Variants in FBXO11 observed in about 807,000 individuals in gnomAD.
The protein encoded by FBXO11 is F-box only protein 11.
FBXO11 carries 13 observed loss-of-function variants against 117.0 expected under a neutral mutation model. The ratio of observed to expected loss-of-function variants is 0.11; its 90% CI spans 0.07 to 0.18. The LOEUF (loss-of-function observed/expected upper bound fraction) is 0.18. Ranked by LOEUF, FBXO11 falls within the 10% of genes least tolerant of loss-of-function variation. The pLI is 1.00. For missense variants in FBXO11, 767 were observed against 1,164.4 expected (o/e 0.66, Z 4.97); for synonymous variants, 490 against 380.5 (o/e 1.29, Z -3.35).
Position 47,809,767 on chromosome 2 carries a change from A to G in FBXO11, c.2339-60T>C, listed in dbSNP as rs1298042802. 52 of 1,096,126 alleles carry G rather than the reference A, an allele frequency of 4.7e-5. 1 individual carries two copies. The Admixed American group carries it at 9.4e-4, about 20-fold the overall frequency. 67.9% of individuals were successfully genotyped at this position (1,096,126 alleles called of 1,614,324 possible). On this transcript the variant is annotated intron_variant, in intron 19 of 22. Transcript: ENST00000403359. The stretch of plus-strand genomic sequence containing the variant: ...CTTTATACTGCTTCTTAAAAACCTG[A>G]AATTAGCAAGCAAATGTAAACTGCT...
intron 1 of FBXO11, among the ~76,000 whole-genome samples, chr2:47,846,105 C>T (rs1411626288): frequency 6.6e-6 from 1 of 152,178 alleles, no homozygotes; most frequent in Admixed American, 6.5e-5. Flanking sequence ...CAAACTGGCT[C>T]CAACCCAAGA....
At position 47,891,775 on chromosome 2, in the gene FBXO11, A is replaced by T. The variant is rs1189274115; in HGVS notation, c.232+13714T>A. The stretch of plus-strand genomic sequence containing the variant: ...GGTTCAATTTCTACGTATCTTCACC[A>T]ACACTTGTCTTCTATGTTTTTTTTA... On this transcript the variant is annotated intron_variant, in intron 1 of 22. Transcript: ENST00000403359. 3.9e-5 allele frequency among the ~76,000 whole-genome samples: 6 copies of T among 152,288 alleles called. No homozygotes were observed. In the South Asian group the frequency reaches 1.2e-3, roughly 32 times the overall value.
chr2:47,841,698 T>C (rs989831238), intron 1 of FBXO11, among the ~76,000 whole-genome samples: 9 of 152,290 alleles, frequency 5.9e-5, no homozygotes, highest in African/African-American at 2.2e-4. Context: ...TGGAGTGCAG[T>C]GGCGTGATCT....
chr2:47,835,658 C>T (rs948867250), intron 5 of FBXO11, among the ~76,000 whole-genome samples: 7 of 152,030 alleles, frequency 4.6e-5, no homozygotes, highest in South Asian at 2.1e-4. Context: ...CCACCATGTC[C>T]GGCTAATTTT....
intron 1 of FBXO11, among the ~76,000 whole-genome samples, chr2:47,885,251 A>G (rs764583040): frequency 8.5e-5 from 13 of 152,232 alleles, no homozygotes; most frequent in African/African-American, 2.9e-4. Context: ...ACTTTACTAC[A>G]GTGTCAAAAA....
At chr2:47,810,625 AGC>A (rs1276785334) in intron 18 of FBXO11, 199 bp from the exon 19 acceptor site, 1 of 473,216 alleles carries the variant, frequency 2.1e-6, no homozygotes, top group Non-Finnish European at 3.7e-6. Flanking sequence ...GACAGGTAAG[AGC>A]ATTCTGACCA....
At chr2:47,846,960 G>A (rs1280916387) in intron 1 of FBXO11, among the ~76,000 whole-genome samples, 1 of 152,118 alleles carries the variant, frequency 6.6e-6, no homozygotes, top group Non-Finnish European at 1.5e-5. Flanking sequence ...TACGTTCTGA[G>A]AAGGCTGGTC....
At chr2:47,841,075 G>A (rs530380359) in intron 1 of FBXO11, among the ~76,000 whole-genome samples, 6 of 152,040 alleles carry the variant, frequency 3.9e-5, no homozygotes, top group South Asian at 2.1e-4. Context: ...GCGGGCGCCC[G>A]TAGTCCCAGC....
At chr2:47,880,154 T>C (rs1158889195) in intron 1 of FBXO11, among the ~76,000 whole-genome samples, 1 of 152,048 alleles carries the variant, frequency 6.6e-6, no homozygotes, top group Non-Finnish European at 1.5e-5. Context: ...TGCCATCATG[T>C]CCAGCTAATT....
At chr2:47,824,974 C>T (rs572392187) in intron 11 of FBXO11, among the ~76,000 whole-genome samples, 2 of 152,198 alleles carry the variant, frequency 1.3e-5, no homozygotes, top group East Asian at 1.9e-4. Context: ...TATATTATTT[C>T]GATATTTATA....
intron 1 of FBXO11, among the ~76,000 whole-genome samples, chr2:47,873,217 T>G (rs908847432): frequency 6.6e-6 from 1 of 152,232 alleles, no homozygotes; most frequent in Admixed American, 6.5e-5. Flanking sequence ...GCTCAACTTT[T>G]CATATGCAGA....
intron 4 of FBXO11, among the ~76,000 whole-genome samples, chr2:47,836,759 T>G (rs1489781139): frequency 6.6e-6 from 1 of 152,222 alleles, no homozygotes; most frequent in Admixed American, 6.5e-5. Flanking sequence ...AAAAACATCA[T>G]GATTATCACT....
At chr2:47,830,016 T>C (rs1268223854) in intron 11 of FBXO11, among the ~76,000 whole-genome samples, 2 of 151,504 alleles carry the variant, frequency 1.3e-5, no homozygotes, top group Non-Finnish European at 2.9e-5. Context: ...CACGGAGACA[T>C]GGTAAGGAAC....
intron 11 of FBXO11, among the ~76,000 whole-genome samples, chr2:47,823,727 T>C (rs1671544508): frequency 6.6e-6 from 1 of 151,902 alleles, no homozygotes; most frequent in Admixed American, 6.6e-5. Flanking sequence ...CACTCCAGCC[T>C]GGGTGACAAG....
At chr2:47,814,963 ACTC>A (rs1273684057) in intron 16 of FBXO11, among the ~76,000 whole-genome samples, 6 of 151,612 alleles carry the variant, frequency 4.0e-5, no homozygotes, top group Admixed American at 2.6e-4. Flanking sequence ...GTAAGAAGCA[ACTC>A]CTCATCTGTC....
At chr2:47,895,549 C>A (rs1473111198) in intron 1 of FBXO11, among the ~76,000 whole-genome samples, 1 of 152,142 alleles carries the variant, frequency 6.6e-6, no homozygotes, top group African/African-American at 2.4e-5. Flanking sequence ...GTGCTTTATT[C>A]CTTGCTGTAG....
At chr2:47,885,656 C>G (rs1572904279) in intron 1 of FBXO11, among the ~76,000 whole-genome samples, 2 of 152,100 alleles carry the variant, frequency 1.3e-5, no homozygotes, top group African/African-American at 4.8e-5. Context: ...CCAAAGCATA[C>G]AAGACTTGGA....
At chr2:47,856,950 T>A (rs1674342592) in intron 1 of FBXO11, among the ~76,000 whole-genome samples, 1 of 152,242 alleles carries the variant, frequency 6.6e-6, no homozygotes, top group African/African-American at 2.4e-5. Flanking sequence ...TGGGATGAGT[T>A]GGATGGTAAG....
chr2:47,845,755 G>A (rs1385742681), intron 1 of FBXO11, among the ~76,000 whole-genome samples: 2 of 151,988 alleles, frequency 1.3e-5, no homozygotes, highest in Non-Finnish European at 2.9e-5. Context: ...ATATTCTTCA[G>A]TGTTTAGCTT....
Sources: gnomAD v4.1 joint callset for allele counts (sites outside exome capture counted in the v4.1 genomes callset) on GRCh38, gnomAD v4.1.1 for gene constraint, MANE v1.5 for transcripts, NCBI Gene and HGNC (gene_info 2026-07-23, HGNC 2026-07-21) for gene names.